SNAPC4: variants seen among roughly 807,000 people sequenced by gnomAD.
SNAPC4 encodes the protein small nuclear RNA activating complex polypeptide 4.
Under a neutral mutation model 151.3 loss-of-function variants are expected in SNAPC4, and 127 were observed. The ratio of observed to expected loss-of-function variants is 0.84; its 90% CI spans 0.73 to 0.97. SNAPC4 has a LOEUF of 0.97. SNAPC4 is among the 50% of genes least tolerant of loss of function. The pLI is 0.00. For synonymous variants in SNAPC4, 1,002 were observed against 824.4 expected (o/e 1.22, Z -3.69); for missense variants, 2,186 against 1,935.0 (o/e 1.13, Z -2.43).
Position 136,394,283 on chromosome 9 carries a change from G to T in SNAPC4, c.598C>A (p.Arg200Ser). 2.5e-6 allele frequency: 4 copies of T among 1,613,904 alleles called. No homozygotes were observed. The highest frequency in any genetic ancestry group is 3.4e-6 in the Non-Finnish European group (4 of 1,179,954). Residue 200 changes from arginine to serine, a missense_variant, in exon 7 of 24, where the codon CGC becomes AGC. Transcript: ENST00000684778. ...TTGGGCTGAAGCAATCGCTGCAGGC[G>T]GTCACTCACCACTGACTTTCGGAGC... ...ALLRKSVVSD[R>S]LQRLLQPKLL...
At position 136,388,508 on chromosome 9, in the gene SNAPC4, C is replaced by A. The variant is rs1564389092; in HGVS notation, c.1059G>T (p.Glu353Asp). The stretch of plus-strand genomic sequence containing the variant: ...GCACCAGCTGCGTGAGCATGCGGTC[C>A]TCCTCCTCTGTCCACTCCTTGCGTT... ...ALKRKEWTEEEDRMLTQLVQE... is the reference protein window; with the variant it reads ...ALKRKEWTEEDDRMLTQLVQE... The change falls in exon 11 of 24, where the codon GAG (glutamate) becomes GAT (aspartate). Residue 353 changes from glutamate (E) to aspartate (D), a missense_variant. Physicochemically the swap from Glu to Asp is conservative, Grantham distance 45. Transcript: ENST00000684778. 6.2e-7 allele frequency: 1 copy of A among 1,613,232 alleles called. No individual in the cohort carries two copies. The highest frequency in any genetic ancestry group is 8.5e-7 in the Non-Finnish European group (1 of 1,179,676).
At chr9:136,394,228 G>T in intron 7 of SNAPC4, 21 bp downstream of exon 7, 1 of 1,579,074 alleles carries the variant, frequency 6.3e-7, no homozygotes, top group South Asian at 1.1e-5. Flanking sequence ...GACCGTTTTT[G>T]ACTTATGGTT....
At chr9:136,380,571 AC>A (rs1304908515) in intron 20 of SNAPC4, among the ~76,000 whole-genome samples, 168 bp downstream of exon 20, 3 of 152,152 alleles carry the variant, frequency 2.0e-5, no homozygotes, top group African/African-American at 7.2e-5. Context: ...CACCTGCCTG[AC>A]TTCCCCAGGG....
At chr9:136,389,748 TG>T (rs1381839456) in intron 10 of SNAPC4, among the ~76,000 whole-genome samples, 6 of 151,750 alleles carry the variant, frequency 4.0e-5, no homozygotes, top group East Asian at 1.9e-4. Flanking sequence ...GGCAAAGGAC[TG>T]GGGGGTGGGG....
chr9:136,376,418 C>A lies in SNAPC4; in HGVS notation c.4348G>T (p.Asp1450Tyr). The A allele has an allele frequency of 1.2e-6, 2 of 1,613,450 alleles. No homozygotes were observed. Among genetic ancestry groups the A allele is most frequent in the South Asian group, 2.2e-5 (2 of 91,068 alleles). ...TGCCGGGTTCTGAGCACGTCCAGGT[C>A]GTCAGGGTCATTAGAAGTATCCAGG... ...SCLDTSNDPD[D>Y]LDVLRTRHAR... The change falls in exon 23 of 24, where the codon GAC (aspartate) becomes TAC (tyrosine). Residue 1450 changes from aspartate to tyrosine, a missense_variant. Transcript: ENST00000684778.
In SNAPC4 at chr9:136,392,693, C is replaced by T; in HGVS notation, c.717G>A (p.Glu239=). 1.9e-6 allele frequency: 3 copies of T among 1,613,778 alleles called. No homozygotes were observed. Among genetic ancestry groups the T allele is most frequent in the Non-Finnish European group, 2.5e-6 (3 of 1,180,008 alleles). Residue 239 remains glutamate (E), a synonymous_variant, in exon 8 of 24, where the codon GAG becomes GAA. Transcript: ENST00000684778. ...CTCACTTGATGTCCTGGATCTCCTTCTCGGCTTCCCTGCCCTGCTTCTCCA... is the reference window on the plus strand; with the variant it reads ...CTCACTTGATGTCCTGGATCTCCTTTTCGGCTTCCCTGCCCTGCTTCTCCA... ...QALEKQGREA[E]KEIQDINQLP... is the part of the protein sequence containing the mutation.
chr9:136,399,427 G>C (rs1423542621), intron 1 of SNAPC4, among the ~76,000 whole-genome samples: 1 of 152,258 alleles, frequency 6.6e-6, no homozygotes, highest in Non-Finnish European at 1.5e-5. Context: ...GCGACCGCAG[G>C]CTGGTTCAGC....
intron 20 of SNAPC4, among the ~76,000 whole-genome samples, chr9:136,380,531 C>A (rs1833650084): frequency 6.6e-6 from 1 of 152,332 alleles, no homozygotes; most frequent in Admixed American, 6.5e-5. Context: ...GGAAAACAGG[C>A]ACGTGGGCCC....
At chr9:136,387,366 G>A (rs548788527) in intron 13 of SNAPC4, 119 bp downstream of exon 13, 76 of 771,162 alleles carry the variant, frequency 9.9e-5, no homozygotes, top group South Asian at 8.3e-4. Flanking sequence ...CGACCCACAC[G>A]GGCCCCTCCC....
intron 1 of SNAPC4, among the ~76,000 whole-genome samples, chr9:136,399,678 C>A (rs1178137281): frequency 6.6e-6 from 1 of 152,214 alleles, no homozygotes; most frequent in Non-Finnish European, 1.5e-5. Flanking sequence ...TGCGGGGACG[C>A]CACCCAGACT....
chr9:136,392,404 G>A (rs1834109809), intron 9 of SNAPC4, 118 bp downstream of exon 9: 1 of 1,054,668 alleles, frequency 9.5e-7, no homozygotes, highest in Non-Finnish European at 1.5e-6. Context: ...TGGGTGGGGG[G>A]TCACAGCAGA....
At chr9:136,387,719 C>A in intron 12 of SNAPC4, 23 bp downstream of exon 12, 1 of 1,501,580 alleles carries the variant, frequency 6.7e-7, no homozygotes, top group Non-Finnish European at 9.3e-7. Flanking sequence ...GAGCCCAGTT[C>A]TCCTAGGGTC....
intron 5 of SNAPC4, among the ~76,000 whole-genome samples, 181 bp from the exon 6 acceptor site, chr9:136,395,059 C>T (rs531654120): frequency 2.6e-5 from 4 of 152,342 alleles, no homozygotes; most frequent in African/African-American, 7.2e-5. Context: ...GGTCAGGCCT[C>T]GCACAGACAA....
At position 136,392,684 on chromosome 9, in the gene SNAPC4, G is replaced by C. The variant is rs939552346; in HGVS notation, c.726C>G (p.Ile242Met). 1 of 1,613,738 alleles carries C rather than the reference G, an allele frequency of 6.2e-7. No homozygotes were observed. Among genetic ancestry groups the C allele is most frequent in the South Asian group, 1.1e-5 (1 of 91,076 alleles). Residue 242 changes from isoleucine to methionine, a missense_variant, in exon 8 of 24, where the codon ATC becomes ATG. By Grantham distance (10) the Ile-to-Met change is conservative. Coordinates refer to ENST00000684778, the MANE Select transcript of SNAPC4 (RefSeq NM_003086.4). Reference protein sequence around the residue: ...EKQGREAEKEIQDINQLPEEA... With the variant: ...EKQGREAEKEMQDINQLPEEA... ...GAGGCCCCCCTCACTTGATGTCCTG[G>C]ATCTCCTTCTCGGCTTCCCTGCCCT...
intron 21 of SNAPC4, 147 bp downstream of exon 21, chr9:136,379,690 G>T (rs1833617082): frequency 2.5e-6 from 2 of 785,470 alleles, no homozygotes; most frequent in African/African-American, 1.7e-5. Context: ...TCTCATCCCT[G>T]TGGTGGGACT....
chr9:136,397,809 A>G (rs1834328328), intron 2 of SNAPC4, among the ~76,000 whole-genome samples: 3 of 151,928 alleles, frequency 2.0e-5, no homozygotes, highest in Admixed American at 2.0e-4. Context: ...TTGACCATCC[A>G]GGCATGGACT....
intron 1 of SNAPC4, among the ~76,000 whole-genome samples, 161 bp downstream of exon 1, chr9:136,399,973 G>A (rs1164684152): frequency 6.6e-6 from 1 of 152,104 alleles, no homozygotes; most frequent in East Asian, 1.9e-4. Flanking sequence ...GGCTCGGCCG[G>A]ACGGGGGCCA....
chr9:136,380,752 A>C lies in SNAPC4; in HGVS notation c.2487T>G (p.Val829=), dbSNP rs3812570. The C allele has an allele frequency of 0.43, 681,959 of 1,581,976 alleles. 149,854 individuals are homozygous for C. The highest frequency in any genetic ancestry group is 0.55 in the Admixed American group (33,055 of 59,708). The change falls in exon 20 of 24, where the codon GTT becomes GTG. Residue 829 remains valine (V), a synonymous_variant. Coordinates refer to ENST00000684778, the MANE Select transcript of SNAPC4 (RefSeq NM_003086.4). ...LPQAGARDPP[V]HLLQASSSAQ... is the part of the protein sequence containing the mutation. ...AAGTGCCTGCTACCTGCAGAAGATGAACTGGTGGGTCCCGAGCACCAGCCT... is the reference window on the plus strand; with the variant it reads ...AAGTGCCTGCTACCTGCAGAAGATGCACTGGTGGGTCCCGAGCACCAGCCT...
chr9:136,384,506 G>A (rs1833822304), intron 14 of SNAPC4, among the ~76,000 whole-genome samples: 2 of 152,100 alleles, frequency 1.3e-5, no homozygotes, highest in South Asian at 2.1e-4. Flanking sequence ...TCAGCTCGTC[G>A]GGTGTGGTGG....
Sources: gnomAD v4.1 joint callset for allele counts (sites outside exome capture counted in the v4.1 genomes callset) on GRCh38, gnomAD v4.1.1 for gene constraint, MANE v1.5 for transcripts, NCBI Gene and HGNC (gene_info 2026-07-23, HGNC 2026-07-21) for gene names.